Variants in BCKDK observed in about 807,000 individuals in gnomAD.
The protein encoded by BCKDK is branched chain keto acid dehydrogenase kinase.
A neutral mutation model predicts 43.9 loss-of-function variants in BCKDK; 28 were observed. That is an observed-to-expected ratio of 0.64 (90% CI 0.47 to 0.87). BCKDK has a LOEUF of 0.87. Among genes scored for constraint, BCKDK ranks in the 40% least tolerant of loss-of-function variants. BCKDK has a pLI of 0.00. For missense variants in BCKDK, 483 were observed against 581.4 expected (o/e 0.83, Z 1.74); for synonymous variants, 257 against 234.3 (o/e 1.10, Z -0.88).
downstream of BCKDK, among the ~76,000 whole-genome samples, chr16:31,116,253 C>T (rs1243172790): frequency 2.7e-5 from 4 of 149,614 alleles, no homozygotes; most frequent in African/African-American, 9.9e-5. Flanking sequence ...GCTCTTGGTC[C>T]CCAGGCTGGA....
At position 31,110,638 on chromosome 16, in the gene BCKDK, T is replaced by C. The variant is rs368764723; in HGVS notation, c.643-50T>C. 6.2e-6 allele frequency: 10 copies of C among 1,603,780 alleles called. No individual in the cohort carries two copies. Among genetic ancestry groups the C allele is most frequent in the Non-Finnish European group, 8.5e-6 (10 of 1,170,866 alleles). Reference sequence around the variant, plus strand: ...GGCAGTTCCGAAGTTGCCAGCATCTTGGGGTGGGGCTAGGGGCGTGGGTAG... The same window carrying C: ...GGCAGTTCCGAAGTTGCCAGCATCTCGGGGTGGGGCTAGGGGCGTGGGTAG... On this transcript the variant is annotated intron_variant, in intron 7 of 11. Coordinates refer to ENST00000219794, the MANE Select transcript of BCKDK (RefSeq NM_005881.4). The surrounding 1 kb of genome is among the most constrained non-coding windows in gnomAD (Gnocchi z 5.4).
rs768986355 is a variant in BCKDK at position 31,111,092 on chromosome 16, C to T, written c.718C>T (p.Arg240Cys). The change falls in exon 9 of 12, where the codon CGC (arginine) becomes TGC (cysteine). Residue 240 changes from arginine to cysteine, a missense_variant and splice_region_variant. Transcript: ENST00000219794. ...IIEKWVDFAR[R>C]LCEHKYGNAP... ...CTGAACCCTCGCTCCTATCCGCAGA[C>T]GCCTGTGTGAGCACAAGTATGGCAA... 2.1e-5 allele frequency: 34 copies of T among 1,613,850 alleles called. No homozygotes were observed. Among genetic ancestry groups the T allele is most frequent in the East Asian group, 6.7e-5 (3 of 44,892 alleles).
rs1031736376 is a variant in BCKDK at position 31,109,202 on chromosome 16, C to T, written c.-22C>T. The T allele has an allele frequency of 4.0e-6, 6 of 1,495,030 alleles. No individual in the cohort carries two copies. The highest frequency in any genetic ancestry group is 4.6e-5 in the East Asian group (2 of 43,476). The allele number at this position is 1,495,030 out of a possible 1,614,324, so 92.6% of individuals were successfully genotyped here. On this transcript the variant is annotated 5_prime_UTR_variant, in exon 2 of 12. Coordinates refer to ENST00000219794, the MANE Select transcript of BCKDK (RefSeq NM_005881.4). This position sits in a 1 kb window ranked among gnomAD's most constrained non-coding sequence, Gnocchi z 5.3. ...GCGGATCCTCAGTCCTAGCGGCCAC[C>T]GGGTCTGAAAGGAGCAAGACGATGA... is the stretch of plus-strand genomic sequence containing the variant.
chr16:31,117,624 G>C (rs1254577983), downstream of BCKDK: 8 of 1,318,190 alleles, frequency 6.1e-6, no homozygotes, highest in Non-Finnish European at 7.8e-6. Context: ...ACGCACTGCT[G>C]ACCCGGAGCC....
At chr16:31,111,533 G>GAAT in intron 10 of BCKDK, 144 bp downstream of exon 10, 1 of 975,186 alleles carries the variant, frequency 1.0e-6, no homozygotes, top group Non-Finnish European at 1.5e-6. Flanking sequence ...TGAATCCTGA[G>GAAT]ATGGCCATGA....
rs1028321508 is a variant in BCKDK at position 31,112,346 on chromosome 16, C to T, written c.*81C>T. On this transcript the variant is annotated 3_prime_UTR_variant, in exon 12 of 12. Coordinates refer to ENST00000219794, the MANE Select transcript of BCKDK (RefSeq NM_005881.4). This position sits in a 1 kb window ranked among gnomAD's most constrained non-coding sequence, Gnocchi z 5.0. ...CCTCCCGGGTCAGGCAGGGCGGCCC[C>T]CTGCTCCACACACTGCTGCATCTTG... 4 of 1,586,892 alleles carry T rather than the reference C, an allele frequency of 2.5e-6. No homozygotes were observed. The highest frequency in any genetic ancestry group is 2.7e-5 in the African/African-American group (2 of 74,656).
In BCKDK at chr16:31,110,409, G is replaced by A. The variant is rs774214869; in HGVS notation, c.552G>A (p.Lys184=). Residue 184 remains lysine (K), a synonymous_variant, in exon 7 of 12, where the codon AAG becomes AAA. Transcript: ENST00000219794. The surrounding 1 kb of genome is among the most constrained non-coding windows in gnomAD (Gnocchi z 5.4). ...GACCTCACTCTTTACAGGATGAAAA[G>A]CTCGTCCGCTACTTCTTGGACAAGA... ...RESRKHIEDE[K]LVRYFLDKTL... is the part of the protein sequence containing the mutation. 6 of 1,613,976 alleles carry A rather than the reference G, an allele frequency of 3.7e-6. No homozygotes were observed. In the Admixed American group the frequency reaches 5.0e-5, roughly 13 times the overall value.
downstream of BCKDK, among the ~76,000 whole-genome samples, chr16:31,117,158 T>G (rs2057451898): frequency 6.6e-6 from 1 of 151,458 alleles, no homozygotes; most frequent in African/African-American, 2.4e-5. Context: ...GATCACGAGG[T>G]CAAGAGATCA....
chr16:31,114,171 A>G (rs1013468007), downstream of BCKDK, among the ~76,000 whole-genome samples: 1 of 151,992 alleles, frequency 6.6e-6, no homozygotes, highest in Non-Finnish European at 1.5e-5. Flanking sequence ...ATCTGGGTGG[A>G]GCACCTACAT....
At chr16:31,111,614 T>C (rs1315335939) in intron 10 of BCKDK, among the ~76,000 whole-genome samples, 1 of 152,066 alleles carries the variant, frequency 6.6e-6, no homozygotes, top group Admixed American at 6.6e-5. Flanking sequence ...CTGAGGAGCT[T>C]GAAATTGAGA....
At position 31,112,529 on chromosome 16, in the gene BCKDK, C is replaced by T. The variant is rs888136815; in HGVS notation, c.*264C>T. 28 of 590,948 alleles carry T rather than the reference C, an allele frequency of 4.7e-5. No individual in the cohort carries two copies. Among genetic ancestry groups the T allele is most frequent in the Admixed American group, 8.6e-5 (3 of 34,702 alleles). 36.6% of individuals were successfully genotyped at this position (590,948 alleles called of 1,614,324 possible). A position where few individuals can be genotyped will look rare whatever the true frequency, so the allele number is the denominator to read the frequency against. ...GTCATTCTCGTTCCTGGGGAACCCC[C>T]ACTCTGACCTGTTATTAAAGTTCAC... On this transcript the variant is annotated 3_prime_UTR_variant, in exon 12 of 12. Coordinates refer to ENST00000219794, the MANE Select transcript of BCKDK (RefSeq NM_005881.4). The surrounding 1 kb of genome is among the most constrained non-coding windows in gnomAD (Gnocchi z 5.0).
rs561815533 is a variant in BCKDK, at chr16:31,110,093, G to A, written c.392G>A (p.Arg131His). 2.5e-6 allele frequency: 4 copies of A among 1,614,122 alleles called. No homozygotes were observed. The highest frequency in any genetic ancestry group is 2.2e-5 in the East Asian group (1 of 44,884). Residue 131 changes from arginine to histidine, a missense_variant, in exon 5 of 12, where the codon CGT becomes CAT. Arg to His is a conservative substitution (Grantham distance 29). Transcript: ENST00000219794. The surrounding 1 kb of genome is among the most constrained non-coding windows in gnomAD (Gnocchi z 5.4). ...TCCTTGCAGCATGAGCTATATATCC[G>A]TGCCTTCCAGAAGCTGACAGACTTC... ...TILHVHELYI[R>H]AFQKLTDFPP...
chr16:31,114,920 CCT>C (rs1237895432), downstream of BCKDK, among the ~76,000 whole-genome samples: 11 of 152,048 alleles, frequency 7.2e-5, no homozygotes, highest in African/African-American at 1.9e-4. Flanking sequence ...TCCCTTCCTC[CCT>C]CTTTTTTCTT....
chr16:31,110,517 G>A lies in BCKDK; in HGVS notation c.642+18G>A, dbSNP rs1338818959. 6.2e-7 allele frequency: 1 copy of A among 1,612,560 alleles called. No homozygotes were observed. The highest frequency in any genetic ancestry group is 2.2e-5 in the East Asian group (1 of 44,876). On this transcript the variant is annotated intron_variant, in intron 7 of 11. Transcript: ENST00000219794. This position sits in a 1 kb window ranked among gnomAD's most constrained non-coding sequence, Gnocchi z 5.4. The stretch of plus-strand genomic sequence containing the variant: ...AGGACAAGGTGGGGCTCTGGGACCT[G>A]AGACCCACCTGGGAACATTAAGTGA...
chr16:31,110,223 G>C lies in BCKDK; in HGVS notation c.442G>C (p.Glu148Gln), dbSNP rs755562719. Residue 148 changes from glutamate to glutamine, a missense_variant, in exon 6 of 12, where the codon GAG becomes CAG. Glu to Gln is a conservative substitution (Grantham distance 29). Transcript: ENST00000219794. This position sits in a 1 kb window ranked among gnomAD's most constrained non-coding sequence, Gnocchi z 5.4. ...DFPPIKDQAD[E>Q]AQYCQLVRQL... ...CCTGCAGATCAAGGACCAGGCGGACGAGGCCCAGTACTGCCAGCTGGTGCG... is the reference window on the plus strand; with the variant it reads ...CCTGCAGATCAAGGACCAGGCGGACCAGGCCCAGTACTGCCAGCTGGTGCG... The C allele has an allele frequency of 6.2e-7, 1 of 1,613,974 alleles. No homozygotes were observed.
At position 31,112,473 on chromosome 16, in the gene BCKDK, T is replaced by C. The variant is rs2057422246; in HGVS notation, c.*208T>C. 2 of 790,772 alleles carry C rather than the reference T, an allele frequency of 2.5e-6. No individual in the cohort carries two copies. Among genetic ancestry groups the C allele is most frequent in the East Asian group, 2.7e-5 (1 of 37,100 alleles). The allele number at this position is 790,772 out of a possible 1,614,324, so 49.0% of individuals were successfully genotyped here. A position where few individuals can be genotyped will look rare whatever the true frequency, so the allele number is the denominator to read the frequency against. On this transcript the variant is annotated 3_prime_UTR_variant, in exon 12 of 12. Transcript: ENST00000219794. The surrounding 1 kb of genome is among the most constrained non-coding windows in gnomAD (Gnocchi z 5.0). ...GCCTCCAGAACTTGGAGCAGGGAAGTGGGCACCCTGAGGCCTCCAGCACCA... is the reference window on the plus strand; with the variant it reads ...GCCTCCAGAACTTGGAGCAGGGAAGCGGGCACCCTGAGGCCTCCAGCACCA...
chr16:31,111,177 C>T lies in BCKDK; in HGVS notation c.803C>T (p.Pro268Leu). 6.2e-7 allele frequency: 1 copy of T among 1,614,172 alleles called. No individual in the cohort carries two copies. The highest frequency in any genetic ancestry group is 8.5e-7 in the Non-Finnish European group (1 of 1,180,030). ...VAARFPFIPM[P>L]LDYILPELLK... ...GCCCGGTTCCCCTTCATCCCTATGC[C>T]ACTGGACTACATCCTGCCGGAGCTG... The change falls in exon 9 of 12, where the codon CCA becomes CTA. Residue 268 changes from proline to leucine, a missense_variant. Transcript: ENST00000219794.
Position 31,110,347 on chromosome 16 carries a change from C to CG in BCKDK, c.543+26dup. On this transcript the variant is annotated intron_variant, in intron 6 of 11. Transcript: ENST00000219794. The surrounding 1 kb of genome is among the most constrained non-coding windows in gnomAD (Gnocchi z 5.4). ...GAGGTTGGGGCAGCAAAGGAGAGGC[C>CG]GGGCCTGCTGGGGGTGGGAAGGGCA... 1 of 1,613,960 alleles carries CG rather than the reference C, an allele frequency of 6.2e-7. No individual in the cohort carries two copies. Among genetic ancestry groups the CG allele is most frequent in the Non-Finnish European group, 8.5e-7 (1 of 1,179,986 alleles).
chr16:31,110,871 G>T lies in BCKDK; in HGVS notation c.716+110G>T. The stretch of plus-strand genomic sequence containing the variant: ...CGGGGAGCAGGGTTTCTCAACCATG[G>T]CACTATTGACATTTCCAGCCAGATA... On this transcript the variant is annotated intron_variant, in intron 8 of 11. Transcript: ENST00000219794. This position sits in a 1 kb window ranked among gnomAD's most constrained non-coding sequence, Gnocchi z 5.4. 8 of 1,421,628 alleles carry T rather than the reference G, an allele frequency of 5.6e-6. No homozygotes were observed. The highest frequency in any genetic ancestry group is 6.9e-6 in the Non-Finnish European group (7 of 1,017,268). The allele number at this position is 1,421,628 out of a possible 1,614,324, so 88.1% of individuals were successfully genotyped here. A position where few individuals can be genotyped will look rare whatever the true frequency, so the allele number is the denominator to read the frequency against.
Sources: allele counts gnomAD v4.1 joint callset (sites outside exome capture counted in the v4.1 genomes callset), GRCh38; gene constraint gnomAD v4.1.1; non-coding constraint Gnocchi (gnomAD v3.1); transcripts MANE v1.5; gene names NCBI Gene and HGNC (gene_info 2026-07-23, HGNC 2026-07-21).